Variants in RIMS2 observed in about 807,000 individuals in gnomAD.
RIMS2 encodes regulating synaptic membrane exocytosis protein 2.
In RIMS2, 59 loss-of-function variants were observed where a neutral mutation model predicts 174.4. That is an observed-to-expected ratio of 0.34 (90% CI 0.27 to 0.42). The LOEUF (loss-of-function observed/expected upper bound fraction) is 0.42, where lower values mean the gene tolerates loss of function less well. Ranked by LOEUF, RIMS2 falls within the 10% of genes least tolerant of loss-of-function variation. The pLI is 1.00. For missense variants in RIMS2, 1,620 were observed against 1,666.3 expected (o/e 0.97, Z 0.48); for synonymous variants, 606 against 572.5 (o/e 1.06, Z -0.84).
intron 6 of RIMS2, among the ~76,000 whole-genome samples, chr8:103,912,970 G>GTTTTTTTTTTTTT (rs1272975359): frequency 1.7e-5 from 2 of 114,906 alleles, no homozygotes; most frequent in Non-Finnish European, 3.5e-5. Flanking sequence ...TTTTTTTGTT[G>GTTTTTTTTTTTTT]TTTTTTTTTT....
At chr8:104,169,213 T>G (rs1033778867) in intron 19 of RIMS2, among the ~76,000 whole-genome samples, 2 of 151,030 alleles carry the variant, frequency 1.3e-5, no homozygotes, top group African/African-American at 4.9e-5. Context: ...TCTTTTGGAA[T>G]AGTTTCAGCA....
At chr8:104,009,251 C>G (rs772827274) in intron 17 of RIMS2, among the ~76,000 whole-genome samples, 33 of 151,032 alleles carry the variant, frequency 2.2e-4, no homozygotes, top group Admixed American at 4.6e-4. Flanking sequence ...AATCTGTAGA[C>G]ATTCAAGATA....
rs528232005 is a variant in RIMS2 at position 103,749,609 on chromosome 8, C to T, written c.388-16618C>T. ...TGTTGTTATGAAGAAATACCTGAGA[C>T]TGGGTGTATTAGTCTGTTTTCATGC... On this transcript the variant is annotated intron_variant, in intron 2 of 23. Transcript: ENST00000504942. Among the ~76,000 whole-genome samples, 4 of 152,168 alleles carry T rather than the reference C, an allele frequency of 2.6e-5. No homozygotes were observed. The South Asian group carries it at 8.3e-4, about 32-fold the overall frequency.
chr8:104,057,266 C>G (rs1286287693), intron 19 of RIMS2, among the ~76,000 whole-genome samples: 2 of 151,882 alleles, frequency 1.3e-5, no homozygotes, highest in African/African-American at 4.8e-5. Context: ...GAGGTTCTCA[C>G]TTTGTTGCCT....
intron 1 of RIMS2, among the ~76,000 whole-genome samples, chr8:103,665,875 A>G (rs12334941): frequency 0.18 from 26,912 of 152,114 alleles, 2,590 homozygotes; most frequent in African/African-American, 0.24. Flanking sequence ...AAAACTAAAA[A>G]ATGTTTTTCT....
intron 19 of RIMS2, among the ~76,000 whole-genome samples, chr8:104,237,368 C>T (rs1479868118): frequency 6.6e-6 from 1 of 152,148 alleles, no homozygotes; most frequent in Non-Finnish European, 1.5e-5. Context: ...ACTCCCACTA[C>T]TTGTCCATTG....
intron 3 of RIMS2, among the ~76,000 whole-genome samples, chr8:103,812,648 T>C (rs1265009429): frequency 6.6e-6 from 1 of 152,098 alleles, no homozygotes; most frequent in Non-Finnish European, 1.5e-5. Flanking sequence ...TCCCAAAGTG[T>C]TGTGATAACA....
chr8:103,701,783 G>A (rs1032708574), intron 2 of RIMS2, among the ~76,000 whole-genome samples: 20 of 152,026 alleles, frequency 1.3e-4, no homozygotes, highest in Middle Eastern at 3.4e-3. Context: ...TTTTAGGGCC[G>A]AATAATATTC....
chr8:104,123,707 T>C (rs1228585528), intron 19 of RIMS2, among the ~76,000 whole-genome samples: 1 of 151,908 alleles, frequency 6.6e-6, no homozygotes, highest in African/African-American at 2.4e-5. Context: ...TTTAAACATA[T>C]AGGCCCGATA....
At chr8:103,640,066 T>C (rs1367711509) in intron 1 of RIMS2, among the ~76,000 whole-genome samples, 2 of 151,858 alleles carry the variant, frequency 1.3e-5, no homozygotes, top group Non-Finnish European at 3.0e-5. Flanking sequence ...ATTTGTTTGG[T>C]TTATGTATGA....
intron 19 of RIMS2, among the ~76,000 whole-genome samples, chr8:104,050,771 G>A (rs900049951): frequency 2.6e-5 from 4 of 152,110 alleles, no homozygotes; most frequent in African/African-American, 7.2e-5. Context: ...TGAAATGAAA[G>A]AGTACATTTG....
chr8:104,251,724 T>A, exon 24 of RIMS2: 1 of 1,611,458 alleles, frequency 6.2e-7, no homozygotes, highest in Non-Finnish European at 8.5e-7. Flanking sequence ...TTTTCCCACC[T>A]TCCTCCCTAG....
intron 1 of RIMS2, among the ~76,000 whole-genome samples, chr8:103,508,760 A>G (rs1824998176): frequency 6.6e-6 from 1 of 152,118 alleles, no homozygotes; most frequent in Non-Finnish European, 1.5e-5. Flanking sequence ...AGATTCTTAC[A>G]GTAATCCAGG....
intron 19 of RIMS2, among the ~76,000 whole-genome samples, chr8:104,086,878 T>G (rs2154564051): frequency 6.6e-6 from 1 of 152,254 alleles, no homozygotes; most frequent in Non-Finnish European, 1.5e-5. Context: ...CTAAGGAGTC[T>G]TAGCCCTATA....
At chr8:103,542,304 G>C (rs1842914722) in intron 1 of RIMS2, among the ~76,000 whole-genome samples, 1 of 152,056 alleles carries the variant, frequency 6.6e-6, no homozygotes, top group African/African-American at 2.4e-5. Flanking sequence ...AAATAGAAAA[G>C]CTAAACAGAT....
chr8:103,652,700 G>A, intron 1 of RIMS2: 1 of 1,348,498 alleles, frequency 7.4e-7, no homozygotes, highest in Admixed American at 1.9e-5. Flanking sequence ...AAATGAAAAG[G>A]AGCCCCAGAC....
At chr8:103,880,831 G>A in intron 3 of RIMS2, 1 of 368,302 alleles carries the variant, frequency 2.7e-6, no homozygotes. Context: ...TGTTTTACAG[G>A]ATTATATACT....
At chr8:103,979,533 A>G (rs909464695) in intron 16 of RIMS2, among the ~76,000 whole-genome samples, 32 of 152,344 alleles carry the variant, frequency 2.1e-4, no homozygotes, top group African/African-American at 7.2e-4. Context: ...ACAAAGCAAG[A>G]TGGGGAATAC....
chr8:103,622,857 A>G (rs556237879), intron 1 of RIMS2, among the ~76,000 whole-genome samples: 8 of 152,190 alleles, frequency 5.3e-5, no homozygotes, highest in Non-Finnish European at 1.0e-4. Context: ...TTGTGATAAA[A>G]TTACTCAAAA....
Sources: gnomAD v4.1 joint callset for allele counts (sites outside exome capture counted in the v4.1 genomes callset) on GRCh38, gnomAD v4.1.1 for gene constraint, MANE v1.5 for transcripts, NCBI Gene and HGNC (gene_info 2026-07-23, HGNC 2026-07-21) for gene names.